Variants in DLG2 observed in about 807,000 individuals in gnomAD.
The protein encoded by DLG2 is discs large MAGUK scaffold protein 2.
A neutral mutation model predicts 132.5 loss-of-function variants in DLG2; 45 were observed. That is an observed-to-expected ratio of 0.34 (90% CI 0.27 to 0.44). The LOEUF (loss-of-function observed/expected upper bound fraction) is 0.44. DLG2 is among the 20% of genes least tolerant of loss of function. The pLI is 1.00. For missense variants in DLG2, 1,045 were observed against 1,196.9 expected (o/e 0.87, Z 1.87); for synonymous variants, 424 against 419.6 (o/e 1.01, Z -0.13).
intron 3 of DLG2, among the ~76,000 whole-genome samples, chr11:85,590,904 AG>A (rs1437059431): frequency 6.6e-6 from 1 of 152,160 alleles, no homozygotes; most frequent in Non-Finnish European, 1.5e-5. Flanking sequence ...CTCACTATAT[AG>A]GGAAATCTCA....
intron 7 of DLG2, among the ~76,000 whole-genome samples, chr11:84,298,002 T>A (rs909160931): frequency 3.9e-5 from 6 of 152,144 alleles, no homozygotes; most frequent in African/African-American, 1.4e-4. Context: ...TTAATGTCTA[T>A]CTAAAGAAGC....
intron 10 of DLG2, among the ~76,000 whole-genome samples, chr11:84,087,875 A>G (rs2097016945): frequency 6.6e-6 from 1 of 152,244 alleles, no homozygotes; most frequent in Non-Finnish European, 1.5e-5. Flanking sequence ...GTCCAGAACT[A>G]TAGGATAATA....
At chr11:85,301,747 A>G (rs1283990389) in intron 3 of DLG2, among the ~76,000 whole-genome samples, 2 of 152,196 alleles carry the variant, frequency 1.3e-5, no homozygotes, top group East Asian at 1.9e-4. Context: ...AAGTATAAGA[A>G]TAAGTCTCTA....
At chr11:83,467,943 G>A (rs1202539470) in intron 25 of DLG2, among the ~76,000 whole-genome samples, 2 of 150,980 alleles carry the variant, frequency 1.3e-5, no homozygotes, top group African/African-American at 2.4e-5. Flanking sequence ...AAATAAAAAT[G>A]CTATTACATT....
intron 3 of DLG2, among the ~76,000 whole-genome samples, chr11:85,522,330 A>G (rs2074380957): frequency 6.6e-6 from 1 of 152,206 alleles, no homozygotes; most frequent in South Asian, 2.1e-4. Context: ...CAGAGGACAT[A>G]AGGAAATGCT....
chr11:85,118,657 T>G (rs986621253), intron 5 of DLG2, among the ~76,000 whole-genome samples: 1 of 152,016 alleles, frequency 6.6e-6, no homozygotes, highest in Non-Finnish European at 1.5e-5. Flanking sequence ...TCCCAGGCAC[T>G]TGACATGCAT....
intron 8 of DLG2, among the ~76,000 whole-genome samples, chr11:84,225,925 C>T (rs557151036): frequency 1.4e-4 from 21 of 152,098 alleles, no homozygotes; most frequent in Admixed American, 1.3e-4. Context: ...ATTCTGCTGC[C>T]TCAGCCTAAC....
chr11:85,265,659 T>C (rs1042931673), intron 4 of DLG2, among the ~76,000 whole-genome samples: 3 of 152,230 alleles, frequency 2.0e-5, no homozygotes, highest in African/African-American at 7.2e-5. Context: ...TGGTTCTTTC[T>C]GATTAATGTC....
intron 5 of DLG2, chr11:85,132,871 G>A: frequency 2.2e-6 from 1 of 456,546 alleles, no homozygotes; most frequent in East Asian, 6.9e-5. Context: ...AAGCCTTTTG[G>A]AAATTGCACA....
intron 8 of DLG2, among the ~76,000 whole-genome samples, chr11:84,178,737 A>G (rs1294409429): frequency 2.0e-5 from 3 of 151,984 alleles, no homozygotes; most frequent in African/African-American, 7.3e-5. Context: ...CAACAACAAC[A>G]AAAAAGAAAA....
intron 15 of DLG2, among the ~76,000 whole-genome samples, chr11:83,881,034 T>C (rs1289472384): frequency 1.7e-5 from 1 of 57,594 alleles, no homozygotes; most frequent in Non-Finnish European, 3.3e-5. Flanking sequence ...AATAGTGGTT[T>C]TTTCCATTTT....
At chr11:83,552,080 C>T (rs1246130879) in intron 19 of DLG2, among the ~76,000 whole-genome samples, 1 of 152,134 alleles carries the variant, frequency 6.6e-6, no homozygotes, top group African/African-American at 2.4e-5. Flanking sequence ...AAATTCCTGC[C>T]TTCATGGATT....
intron 6 of DLG2, among the ~76,000 whole-genome samples, chr11:85,080,632 T>C (rs191965146): frequency 9.2e-5 from 14 of 152,260 alleles, no homozygotes; most frequent in Middle Eastern, 3.4e-3. Flanking sequence ...ATGTTCAAGA[T>C]TCAGTAGAAG....
At chr11:85,183,956 C>A (rs374595034) in intron 4 of DLG2, among the ~76,000 whole-genome samples, 1 of 151,848 alleles carries the variant, frequency 6.6e-6, no homozygotes, top group African/African-American at 2.4e-5. Flanking sequence ...AAATTCCTAC[C>A]AAAAAATCTA....
chr11:84,480,951 C>G (rs566432782), intron 7 of DLG2, among the ~76,000 whole-genome samples: 2 of 152,010 alleles, frequency 1.3e-5, no homozygotes, highest in South Asian at 4.2e-4. Flanking sequence ...GTTGGCCAGG[C>G]TGATCTGGAA....
chr11:84,510,916 T>A (rs2154513937), intron 7 of DLG2, among the ~76,000 whole-genome samples: 1 of 152,034 alleles, frequency 6.6e-6, no homozygotes, highest in Non-Finnish European at 1.5e-5. Context: ...AACTCCCCCA[T>A]ACAGGGACAG....
chr11:85,001,923 T>G (rs991281975), intron 6 of DLG2, among the ~76,000 whole-genome samples: 2 of 152,172 alleles, frequency 1.3e-5, no homozygotes, highest in African/African-American at 4.8e-5. Flanking sequence ...TCTGCTCAAT[T>G]TGGCTATAAA....
intron 7 of DLG2, among the ~76,000 whole-genome samples, chr11:84,265,778 A>T (rs957548803): frequency 6.6e-6 from 1 of 152,168 alleles, no homozygotes; most frequent in African/African-American, 2.4e-5. Context: ...ACTCTACATG[A>T]TGAAAATGAG....
At chr11:84,679,251 A>G (rs2099722783) in intron 6 of DLG2, among the ~76,000 whole-genome samples, 1 of 152,116 alleles carries the variant, frequency 6.6e-6, no homozygotes, top group African/African-American at 2.4e-5. Flanking sequence ...GCAGAATATA[A>G]TGATTGATGT....
Sources: gnomAD v4.1 joint callset for allele counts (sites outside exome capture counted in the v4.1 genomes callset) on GRCh38, gnomAD v4.1.1 for gene constraint, MANE v1.5 for transcripts, NCBI Gene and HGNC (gene_info 2026-07-23, HGNC 2026-07-21) for gene names.